The following RFX3 variants were observed in gnomAD, a reference collection of about 807,000 sequenced individuals.
RFX3 encodes regulatory factor X3.
RFX3 carries 14 observed loss-of-function variants against 98.6 expected under a neutral mutation model. That is an observed-to-expected ratio of 0.14 (90% CI 0.09 to 0.22). The LOEUF is 0.22. Among genes scored for constraint, RFX3 ranks in the 10% least tolerant of loss-of-function variants. RFX3 has a pLI of 1.00. For missense variants in RFX3, 639 were observed against 926.9 expected (o/e 0.69, Z 4.03); for synonymous variants, 383 against 328.4 (o/e 1.17, Z -1.80).
intron 1 of RFX3, among the ~76,000 whole-genome samples, chr9:3,443,032 C>T (rs1389551430): frequency 6.6e-6 from 1 of 152,048 alleles, no homozygotes. Context: ...CAATAATAAA[C>T]AACCTGATTA....
chr9:3,392,082 C>G (rs953334910), intron 2 of RFX3, among the ~76,000 whole-genome samples: 12 of 152,148 alleles, frequency 7.9e-5, no homozygotes, highest in Non-Finnish European at 1.8e-4. Context: ...AACAAAGATA[C>G]TGAACATCAG....
At position 3,224,285 on chromosome 9, in the gene RFX3, A is replaced by G. The variant is rs1817536267; in HGVS notation, c.*757T>C. The G allele has an allele frequency of 6.6e-6, 1 of 152,184 alleles. No individual in the cohort carries two copies. The highest frequency in any genetic ancestry group is 2.1e-4 in the South Asian group (1 of 4,826). The allele number at this position is 152,184 out of a possible 1,614,324, so 9.4% of individuals were successfully genotyped here. On this transcript the variant is annotated 3_prime_UTR_variant, in exon 17 of 17. Transcript: ENST00000617270. The stretch of plus-strand genomic sequence containing the variant: ...CAAATACAGAATCAGTAGTCTTTAA[A>G]CAGAGGAATTGGTATGCAAATAATA...
At chr9:3,248,794 A>G (rs1285932047) in intron 14 of RFX3, among the ~76,000 whole-genome samples, 1 of 152,258 alleles carries the variant, frequency 6.6e-6, no homozygotes, top group African/African-American at 2.4e-5. Flanking sequence ...AGGCACATTT[A>G]CATTAGAAAT....
chr9:3,412,211 A>C (rs143297202), intron 1 of RFX3, among the ~76,000 whole-genome samples: 59 of 152,196 alleles, frequency 3.9e-4, no homozygotes, highest in African/African-American at 1.3e-3. Flanking sequence ...AACACTAATC[A>C]TGTTGTATTA....
At chr9:3,514,499 T>C (rs1162631639) in intron 1 of RFX3, among the ~76,000 whole-genome samples, 1 of 152,204 alleles carries the variant, frequency 6.6e-6, no homozygotes, top group African/African-American at 2.4e-5. Flanking sequence ...TTTCCCTCTG[T>C]TGCCCAGGCT....
rs191824617 is a variant in RFX3 at position 3,281,695 on chromosome 9, T to C, written c.852-4234A>G. Among the ~76,000 whole-genome samples, 216 of 151,920 alleles carry C rather than the reference T, an allele frequency of 1.4e-3. 2 individuals carry two copies. Among genetic ancestry groups the C allele is most frequent in the African/African-American group, 4.7e-3 (197 of 41,518 alleles). ...TCTCATGCTTTAATAGCTGACTGTA[T>C]GCATAAAACCTGTCACTAACACAGA... On this transcript the variant is annotated intron_variant, in intron 7 of 16. Transcript: ENST00000617270.
At chr9:3,353,352 CTAAAA>C in intron 2 of RFX3, among the ~76,000 whole-genome samples, 1 of 151,652 alleles carries the variant, frequency 6.6e-6, no homozygotes, top group South Asian at 2.1e-4. Flanking sequence ...TATAATAATA[CTAAAA>C]TAAAATAAAA....
At chr9:3,285,470 C>T (rs1247670643) in intron 7 of RFX3, among the ~76,000 whole-genome samples, 1 of 151,624 alleles carries the variant, frequency 6.6e-6, no homozygotes, top group East Asian at 1.9e-4. Context: ...AAAAGAAACT[C>T]CTTCTTTCCT....
intron 13 of RFX3, among the ~76,000 whole-genome samples, chr9:3,257,727 A>ATGC (rs1822318372): frequency 6.6e-6 from 1 of 152,238 alleles, no homozygotes; most frequent in Non-Finnish European, 1.5e-5. Flanking sequence ...GTAGAAGCAT[A>ATGC]TGCTGCTGTG....
At chr9:3,484,103 T>C (rs1352724445) in intron 1 of RFX3, among the ~76,000 whole-genome samples, 1 of 152,230 alleles carries the variant, frequency 6.6e-6, no homozygotes, top group Non-Finnish European at 1.5e-5. Flanking sequence ...GTAGGATATA[T>C]AAAGACCTTT....
intron 1 of RFX3, among the ~76,000 whole-genome samples, chr9:3,397,484 T>A (rs950541894): frequency 6.6e-6 from 1 of 152,160 alleles, no homozygotes; most frequent in Admixed American, 6.5e-5. Context: ...TTCTTCTAAT[T>A]TTCCCCCAAA....
chr9:3,350,771 A>G (rs1429867952), intron 2 of RFX3, among the ~76,000 whole-genome samples: 1 of 152,150 alleles, frequency 6.6e-6, no homozygotes, highest in Non-Finnish European at 1.5e-5. Context: ...GTGAAAAGAA[A>G]TGAACTACCA....
At chr9:3,260,219 C>T (rs924198028) in intron 13 of RFX3, among the ~76,000 whole-genome samples, 2 of 151,902 alleles carry the variant, frequency 1.3e-5, no homozygotes, top group African/African-American at 2.4e-5. Context: ...AGGGCAGATG[C>T]CGAATCATAT....
intron 2 of RFX3, among the ~76,000 whole-genome samples, chr9:3,368,378 A>G (rs1313818631): frequency 6.6e-6 from 1 of 152,130 alleles, no homozygotes; most frequent in Non-Finnish European, 1.5e-5. Flanking sequence ...CACTTGTATG[A>G]CATTTTTAAA....
chr9:3,293,001 T>C lies in RFX3; in HGVS notation c.731+76A>G, dbSNP rs193299999. ...ATATATTGTCTGTAATCAAGTACTT[T>C]TGTTTAAACAATATATTGAATTGCC... On this transcript the variant is annotated intron_variant, in intron 6 of 16. Coordinates refer to ENST00000617270, the MANE Select transcript of RFX3 (RefSeq NM_001282116.2). The C allele has an allele frequency of 1.8e-4, 212 of 1,173,874 alleles. No homozygotes were observed. The African/African-American group carries it at 2.9e-3, about 16-fold the overall frequency. 72.7% of individuals were successfully genotyped at this position (1,173,874 alleles called of 1,614,324 possible).
chr9:3,411,672 G>A (rs932786269), intron 1 of RFX3, among the ~76,000 whole-genome samples: 129 of 149,688 alleles, frequency 8.6e-4, no homozygotes, highest in Non-Finnish European at 1.3e-3. Flanking sequence ...TTTTTTTTTA[G>A]TAGAGAGGGG....
chr9:3,508,865 C>T (rs1173279337), intron 1 of RFX3, among the ~76,000 whole-genome samples: 2 of 151,796 alleles, frequency 1.3e-5, no homozygotes, highest in Non-Finnish European at 2.9e-5. Context: ...AAATAATTAA[C>T]AGGGTTAGGG....
chr9:3,425,324 T>C lies in RFX3; in HGVS notation c.-8-29728A>G, dbSNP rs374693176. The stretch of plus-strand genomic sequence containing the variant: ...AACTAGAAATGTGGTAGGATAAAAG[T>C]GTCAAAGGCCTTGTGATCAGAGGTA... On this transcript the variant is annotated intron_variant, in intron 1 of 16. Coordinates refer to ENST00000617270, the MANE Select transcript of RFX3 (RefSeq NM_001282116.2). Among the ~76,000 whole-genome samples the C allele has an allele frequency of 8.3e-4, 126 of 152,348 alleles. 3 individuals are homozygous for C. The South Asian group carries it at 0.025, about 30-fold the overall frequency.
chr9:3,409,364 T>C lies in RFX3; in HGVS notation c.-8-13768A>G, dbSNP rs377597607. ...TTCCGTTTTAAGTAACTAAAAAGCA[T>C]TCAGTATTTGAAATATCAATGATAA... On this transcript the variant is annotated intron_variant, in intron 1 of 16. Transcript: ENST00000617270. Among the ~76,000 whole-genome samples, 123 of 152,374 alleles carry C rather than the reference T, an allele frequency of 8.1e-4. 3 individuals are homozygous for C. The South Asian group carries it at 0.025, about 31-fold the overall frequency.
Sources: gnomAD v4.1 joint callset for allele counts (sites outside exome capture counted in the v4.1 genomes callset) on GRCh38, gnomAD v4.1.1 for gene constraint, MANE v1.5 for transcripts, NCBI Gene and HGNC (gene_info 2026-07-23, HGNC 2026-07-21) for gene names.